ERBIN: variants seen among roughly 807,000 people sequenced by gnomAD.
ERBIN encodes the protein densin-180-like protein.
A neutral mutation model predicts 158.4 loss-of-function variants in ERBIN; 60 were observed. The observed-to-expected ratio is 0.38, with a 90% CI of 0.31 to 0.47. The LOEUF is 0.47. Ranked by LOEUF, ERBIN falls within the 20% of genes least tolerant of loss-of-function variation. The probability of loss-of-function intolerance (pLI) is 0.99; values close to 1 mark genes in which losing one functional copy is unlikely to be tolerated. For synonymous variants in ERBIN, 594 were observed against 557.2 expected (o/e 1.07, Z -0.93); for missense variants, 1,610 against 1,648.0 (o/e 0.98, Z 0.40).
intron 17 of ERBIN, among the ~76,000 whole-genome samples, chr5:66,045,819 T>G (rs770366187): frequency 1.5e-4 from 23 of 152,226 alleles, no homozygotes; most frequent in Non-Finnish European, 3.2e-4. Context: ...TTTTTCCCCC[T>G]GTTAATATTG....
intron 1 of ERBIN, among the ~76,000 whole-genome samples, chr5:65,977,172 G>C (rs1316647334): frequency 7.4e-5 from 11 of 148,056 alleles, no homozygotes; most frequent in East Asian, 6.1e-4. Context: ...CCTCCCGGAC[G>C]GGGCGGCTGG....
rs1188511812 is a variant in ERBIN, at chr5:66,018,555, ATATAATATATAT to A, written c.534-2762_534-2751del. ...TATTATATAATATATATTATATATTATATAATATATATTATATTATATAATATATATTATATA... is the reference window on the plus strand; with the variant it reads ...TATTATATAATATATATTATATATTATATATTATATAATATATATTATATA... On this transcript the variant is annotated intron_variant, in intron 7 of 25. Coordinates refer to ENST00000284037, the MANE Select transcript of ERBIN (RefSeq NM_001253697.2). Among the ~76,000 whole-genome samples the A allele has an allele frequency of 1.6e-3, 21 of 13,142 alleles. 4 individuals are homozygous for A. Among genetic ancestry groups the A allele is most frequent in the African/African-American group, 4.9e-3 (16 of 3,242 alleles). The allele number at this position is 13,142 out of a possible 152,430, so 8.6% of individuals were successfully genotyped here.
At chr5:66,012,419 C>T (rs1010997692) in intron 5 of ERBIN, among the ~76,000 whole-genome samples, 1 of 152,182 alleles carries the variant, frequency 6.6e-6, no homozygotes, top group Non-Finnish European at 1.5e-5. Context: ...GTTATTTACA[C>T]CCTAGAGGAG....
In ERBIN at chr5:66,054,753, T is replaced by A. The variant is rs1240670524; in HGVS notation, c.3435T>A (p.Ala1145=). Residue 1145 remains alanine (A), a synonymous_variant, in exon 21 of 26, where the codon GCT becomes GCA. Coordinates refer to ENST00000284037, the MANE Select transcript of ERBIN (RefSeq NM_001253697.2). ...DGPNASRPQS[A]RPSINEIPER... is the part of the protein sequence containing the mutation. The stretch of plus-strand genomic sequence containing the variant: ...CAAATGCATCAAGACCTCAGAGTGC[T>A]CGACCCTCTATTAATGAAATACCAG... 2 of 1,614,010 alleles carry A rather than the reference T, an allele frequency of 1.2e-6. No individual in the cohort carries two copies. Among genetic ancestry groups the A allele is most frequent in the African/African-American group, 1.3e-5 (1 of 74,924 alleles).
chr5:65,963,694 C>T (rs953029467), intron 1 of ERBIN, among the ~76,000 whole-genome samples: 7 of 151,884 alleles, frequency 4.6e-5, no homozygotes, highest in African/African-American at 1.5e-4. Flanking sequence ...ATGAAGATAC[C>T]GCTGCTGAGT....
chr5:65,933,766 T>G (rs1355785105), intron 1 of ERBIN, among the ~76,000 whole-genome samples: 2 of 152,312 alleles, frequency 1.3e-5, no homozygotes, highest in Non-Finnish European at 2.9e-5. Context: ...CCTCCCAGGT[T>G]TTCAGCACTG....
chr5:65,930,018 C>A (rs544622328), intron 1 of ERBIN, among the ~76,000 whole-genome samples: 6 of 152,292 alleles, frequency 3.9e-5, no homozygotes, highest in African/African-American at 1.4e-4. Flanking sequence ...AGAAACTTAG[C>A]TGCTATTCAG....
chr5:65,997,565 A>G (rs1480374229), intron 4 of ERBIN, among the ~76,000 whole-genome samples: 1 of 152,214 alleles, frequency 6.6e-6, no homozygotes, highest in African/African-American at 2.4e-5. Context: ...TTTTATAATT[A>G]CAAAAAAGAA....
intron 1 of ERBIN, among the ~76,000 whole-genome samples, chr5:65,964,941 T>TGTGTGTGTGC (rs1394546769): frequency 8.7e-5 from 10 of 115,576 alleles, no homozygotes; most frequent in African/African-American, 3.3e-4. Flanking sequence ...TGTGTGTGTG[T>TGTGTGTGTGC]GTGTAATTTT....
intron 1 of ERBIN, among the ~76,000 whole-genome samples, chr5:65,984,168 G>A (rs998178616): frequency 7.0e-6 from 1 of 143,114 alleles, no homozygotes; most frequent in Non-Finnish European, 1.5e-5. Flanking sequence ...ATGTCTCTTC[G>A]GGCCCCCTCA....
Position 65,992,853 on chromosome 5 carries a change from A to C in ERBIN, c.135A>C (p.Glu45Asp). 6.2e-7 allele frequency: 1 copy of C among 1,613,408 alleles called. No individual in the cohort carries two copies. The highest frequency in any genetic ancestry group is 8.5e-7 in the Non-Finnish European group (1 of 1,179,746). Reference protein sequence around the residue: ...EQVPKEIFTFEKTLEELYLDA... With the variant: ...EQVPKEIFTFDKTLEELYLDA... ...TTCCGAAAGAGATTTTTACTTTTGA[A>C]AAAACCTTGGAGGAACTCTATTTAG... Residue 45 changes from glutamate to aspartate, a missense_variant, in exon 3 of 26, where the codon GAA becomes GAC. Around this residue, in one of 2 missense-constraint regions of ERBIN, gnomAD observed 596 missense variants for 711.9 expected, o/e 0.84. Coordinates refer to ENST00000284037, the MANE Select transcript of ERBIN (RefSeq NM_001253697.2).
At chr5:66,011,197 A>C (rs556791710) in intron 4 of ERBIN, among the ~76,000 whole-genome samples, 1 of 152,358 alleles carries the variant, frequency 6.6e-6, no homozygotes, top group South Asian at 2.1e-4. Flanking sequence ...GAAAAGGGGA[A>C]TATAAATATA....
At chr5:65,992,614 T>C (rs1355952292) in intron 2 of ERBIN, 96 bp from the exon 3 acceptor site, 6 of 892,046 alleles carry the variant, frequency 6.7e-6, no homozygotes, top group Non-Finnish European at 1.0e-5. Flanking sequence ...GAAGTGTTTA[T>C]CTGTGACATA....
At chr5:66,068,471 G>A (rs760813079) in intron 21 of ERBIN, among the ~76,000 whole-genome samples, 4 of 152,048 alleles carry the variant, frequency 2.6e-5, no homozygotes, top group Admixed American at 6.6e-5. Flanking sequence ...AGAATTACTG[G>A]GTGTTGGTAA....
At position 66,053,617 on chromosome 5, in the gene ERBIN, C is replaced by T; in HGVS notation, c.2299C>T (p.Leu767Phe). The T allele has an allele frequency of 1.2e-6, 2 of 1,610,652 alleles. No individual in the cohort carries two copies. Among genetic ancestry groups the T allele is most frequent in the Non-Finnish European group, 1.7e-6 (2 of 1,178,868 alleles). Residue 767 changes from leucine (L) to phenylalanine (F), a missense_variant, in exon 21 of 26, where the codon CTT becomes TTT. Physicochemically the swap from Leu to Phe is conservative, Grantham distance 22. Transcript: ENST00000284037. ...CAAATTAGATCATATCAATATGAAT[C>T]TTAATAAACTTATAACTAATGATAC... is the stretch of plus-strand genomic sequence containing the variant. ...THKLDHINMN[L>F]NKLITNDTFQ...
chr5:65,940,539 G>C (rs113744297), intron 1 of ERBIN, among the ~76,000 whole-genome samples: 1 of 114,010 alleles, frequency 8.8e-6, no homozygotes, highest in African/African-American at 3.5e-5. Flanking sequence ...CCCCCTGCCC[G>C]GCCAGCCGCC....
chr5:66,008,373 C>A (rs1288190735), intron 4 of ERBIN, among the ~76,000 whole-genome samples: 1 of 152,070 alleles, frequency 6.6e-6, no homozygotes, highest in Non-Finnish European at 1.5e-5. Flanking sequence ...GAGCTGAGAT[C>A]GCGCCACTGC....
At chr5:65,954,898 C>G (rs2150934949) in intron 1 of ERBIN, among the ~76,000 whole-genome samples, 1 of 151,552 alleles carries the variant, frequency 6.6e-6, no homozygotes, top group East Asian at 2.0e-4. Flanking sequence ...AGCTCCGTCT[C>G]TACTAAAAAT....
At position 66,072,306 on chromosome 5, in the gene ERBIN, A is replaced by G. The variant is rs758924312; in HGVS notation, c.3756+15A>G. On this transcript the variant is annotated intron_variant, in intron 22 of 25. Transcript: ENST00000284037. ...GCTTGATGAAAGTGGGTGCTCGGGA[A>G]AACAAAATGTAGTATCTGTGAGCTT... 1 of 1,549,506 alleles carries G rather than the reference A, an allele frequency of 6.5e-7. No homozygotes were observed. Among genetic ancestry groups the G allele is most frequent in the South Asian group, 1.2e-5 (1 of 83,866 alleles).
Sources: allele counts gnomAD v4.1 joint callset (sites outside exome capture counted in the v4.1 genomes callset), GRCh38; gene constraint gnomAD v4.1.1; regional missense constraint gnomAD v4.1.1; transcripts MANE v1.5; gene names NCBI Gene and HGNC (gene_info 2026-07-23, HGNC 2026-07-21).